Variants in GRIN2B observed in about 807,000 individuals in gnomAD.
GRIN2B encodes glutamate receptor ionotropic, NMDA 2B.
GRIN2B carries 5 observed loss-of-function variants against 114.5 expected under a neutral mutation model. That is an observed-to-expected ratio of 0.04 (90% CI 0.02 to 0.09). GRIN2B has a LOEUF of 0.09. GRIN2B is among the 10% of genes least tolerant of loss of function. The pLI, the probability that GRIN2B is intolerant of heterozygous loss-of-function variation, is 1.00. For missense variants in GRIN2B, 1,108 were observed against 1,943.5 expected, an observed-to-expected ratio of 0.57 and a Z score of 8.08; for synonymous variants, 787 against 745.1, an observed-to-expected ratio of 1.06 and a Z score of -0.92.
chr12:13,570,194 G>A (rs1218809861), intron 11 of GRIN2B, among the ~76,000 whole-genome samples, 177 bp from the exon 12 acceptor site: 1 of 152,184 alleles, frequency 6.6e-6, no homozygotes, highest in African/African-American at 2.4e-5. Context: ...TGTTCTTTAT[G>A]TGCTTTTGGG....
rs1484579659 is a variant in GRIN2B, at chr12:13,547,686, C to T, written c.*15097G>A. The T allele has an allele frequency of 6.6e-6, 1 of 152,068 alleles. No individual in the cohort carries two copies. Among genetic ancestry groups the T allele is most frequent in the Non-Finnish European group, 1.5e-5 (1 of 68,006 alleles). The allele number at this position is 152,068 out of a possible 1,614,324, so 9.4% of individuals were successfully genotyped here. ...CAGCTCTTTTCCATCCAAAGGTGAA[C>T]AGAAGACTCTGCAGAGCATAATGTT... On this transcript the variant is annotated 3_prime_UTR_variant, in exon 14 of 14. Coordinates refer to ENST00000609686, the MANE Select transcript of GRIN2B (RefSeq NM_000834.5).
chr12:13,836,352 A>T (rs1865265628), intron 3 of GRIN2B, among the ~76,000 whole-genome samples: 1 of 152,212 alleles, frequency 6.6e-6, no homozygotes, highest in African/African-American at 2.4e-5. Context: ...CTGGTTAGGA[A>T]TTCTGGCCTA....
intron 10 of GRIN2B, among the ~76,000 whole-genome samples, chr12:13,590,696 CTGCAATAA>C (rs1283616480): frequency 1.4e-4 from 21 of 152,084 alleles, no homozygotes; most frequent in African/African-American, 5.1e-4. Flanking sequence ...GTAAATAGTG[CTGCAATAA>C]ACATATGTGT....
chr12:13,560,086 A>G lies in GRIN2B; in HGVS notation c.*2697T>C, dbSNP rs1948522706. The G allele has an allele frequency of 6.6e-6, 1 of 152,146 alleles. No homozygotes were observed. The highest frequency in any genetic ancestry group is 2.4e-5 in the African/African-American group (1 of 41,416). The allele number at this position is 152,146 out of a possible 1,614,324, so 9.4% of individuals were successfully genotyped here. On this transcript the variant is annotated 3_prime_UTR_variant, in exon 14 of 14. Coordinates refer to ENST00000609686, the MANE Select transcript of GRIN2B (RefSeq NM_000834.5). ...CAGACCTGGGGTTTGCTTAGAGCCA[A>G]ATTGAACCCTATGTAAAACCCTGGC...
intron 5 of GRIN2B, among the ~76,000 whole-genome samples, chr12:13,662,658 G>A (rs1371946072): frequency 6.6e-6 from 1 of 152,122 alleles, no homozygotes; most frequent in Non-Finnish European, 1.5e-5. Flanking sequence ...CTAGAATAGT[G>A]CCCAGCCCTT....
Position 13,547,975 on chromosome 12 carries a change from A to ATTT in GRIN2B, c.*14807_*14808insAAA, listed in dbSNP as rs1323847688. 4.2e-4 allele frequency: 21 copies of ATTT among 49,852 alleles called. No homozygotes were observed. The highest frequency in any genetic ancestry group is 7.0e-4 in the Non-Finnish European group (16 of 22,940). 3.1% of individuals were successfully genotyped at this position (49,852 alleles called of 1,614,324 possible). A position where few individuals can be genotyped will look rare whatever the true frequency, so the allele number is the denominator to read the frequency against. Reference sequence around the variant, plus strand: ...TATGTGTGTGTATATATATATATATATATATATTTTTTTTTTTTTTCTGAA... The same window carrying ATTT: ...TATGTGTGTGTATATATATATATATATTTTATATATTTTTTTTTTTTTTCTGAA... On this transcript the variant is annotated 3_prime_UTR_variant, in exon 14 of 14. Coordinates refer to ENST00000609686, the MANE Select transcript of GRIN2B (RefSeq NM_000834.5).
chr12:13,558,291 C>A lies in GRIN2B; in HGVS notation c.*4492G>T, dbSNP rs114455726. The A allele has an allele frequency of 1.3e-3, 198 of 152,238 alleles. No homozygotes were observed. Among genetic ancestry groups the A allele is most frequent in the African/African-American group, 4.6e-3 (191 of 41,514 alleles). The allele number at this position is 152,238 out of a possible 1,614,324, so 9.4% of individuals were successfully genotyped here. A position where few individuals can be genotyped will look rare whatever the true frequency, so the allele number is the denominator to read the frequency against. On this transcript the variant is annotated 3_prime_UTR_variant, in exon 14 of 14. Coordinates refer to ENST00000609686, the MANE Select transcript of GRIN2B (RefSeq NM_000834.5). ...GCAGTGACATCATTTATGCACACAT[C>A]TGAATCATTCCTAACATACAAAAAC... is the stretch of plus-strand genomic sequence containing the variant.
intron 3 of GRIN2B, among the ~76,000 whole-genome samples, chr12:13,784,659 G>C (rs181888684): frequency 1.7e-4 from 26 of 148,890 alleles, no homozygotes; most frequent in African/African-American, 6.0e-4. Context: ...TAGGCCTCCA[G>C]AGGCTTTGCA....
At chr12:13,700,082 A>C (rs1439598712) in intron 4 of GRIN2B, among the ~76,000 whole-genome samples, 2 of 152,116 alleles carry the variant, frequency 1.3e-5, no homozygotes, top group African/African-American at 2.4e-5. Flanking sequence ...AAGAGGACTG[A>C]AGGGCAGTAA....
chr12:13,798,422 A>G (rs1271052727), intron 3 of GRIN2B, among the ~76,000 whole-genome samples: 1 of 152,172 alleles, frequency 6.6e-6, no homozygotes, highest in African/African-American at 2.4e-5. Flanking sequence ...TTAACCTTGG[A>G]TAAACCATCT....
At chr12:13,807,482 C>T (rs1393517081) in intron 3 of GRIN2B, among the ~76,000 whole-genome samples, 3 of 152,044 alleles carry the variant, frequency 2.0e-5, no homozygotes, top group Non-Finnish European at 4.4e-5. Context: ...CCTTGCCTCC[C>T]CTCTTCTAGT....
chr12:13,908,175 T>A (rs551785116), intron 2 of GRIN2B, among the ~76,000 whole-genome samples: 1 of 150,786 alleles, frequency 6.6e-6, no homozygotes, highest in East Asian at 2.0e-4. Flanking sequence ...CCTCCAACCA[T>A]CTCTATCATC....
chr12:13,610,773 G>T (rs913417800), intron 9 of GRIN2B, among the ~76,000 whole-genome samples: 2 of 152,250 alleles, frequency 1.3e-5, no homozygotes, highest in East Asian at 3.9e-4. Flanking sequence ...TGCAACCAAC[G>T]TAGAGAAACA....
intron 4 of GRIN2B, chr12:13,684,033 C>T (rs898434461): frequency 6.6e-5 from 10 of 152,102 alleles, no homozygotes; most frequent in African/African-American, 2.2e-4. Context: ...CATAATACTA[C>T]CAGTTCAGTA....
chr12:13,902,597 G>A (rs1018389660), intron 2 of GRIN2B, among the ~76,000 whole-genome samples: 1 of 152,106 alleles, frequency 6.6e-6, no homozygotes, highest in South Asian at 2.1e-4. Context: ...GATTACCTGA[G>A]GTCGAGAATT....
intron 3 of GRIN2B, among the ~76,000 whole-genome samples, chr12:13,847,456 G>T (rs1202815856): frequency 1.3e-5 from 2 of 152,132 alleles, no homozygotes; most frequent in African/African-American, 4.8e-5. Context: ...ATGTTTGATA[G>T]CTCCAAAAGT....
At chr12:13,581,355 C>A (rs1948846308) in intron 10 of GRIN2B, among the ~76,000 whole-genome samples, 1 of 152,152 alleles carries the variant, frequency 6.6e-6, no homozygotes, top group Non-Finnish European at 1.5e-5. Context: ...CATAATAATA[C>A]CCTATGGCCC....
At chr12:13,653,391 G>T (rs1277510204) in intron 5 of GRIN2B, among the ~76,000 whole-genome samples, 1 of 152,098 alleles carries the variant, frequency 6.6e-6, no homozygotes, top group African/African-American at 2.4e-5. Context: ...AGGCTATGCA[G>T]ATTTGAAAGG....
intron 4 of GRIN2B, among the ~76,000 whole-genome samples, chr12:13,709,649 C>T (rs1950396118): frequency 6.6e-6 from 1 of 151,968 alleles, no homozygotes; most frequent in African/African-American, 2.4e-5. Flanking sequence ...GCTCTAAGTA[C>T]TGCACCAGAT....
Sources: gnomAD v4.1 joint callset for allele counts (sites outside exome capture counted in the v4.1 genomes callset) on GRCh38, gnomAD v4.1.1 for gene constraint, MANE v1.5 for transcripts, NCBI Gene and HGNC (gene_info 2026-07-23, HGNC 2026-07-21) for gene names.